Variants in MLIP observed in about 807,000 individuals in gnomAD.
MLIP encodes the protein muscular LMNA-interacting protein.
A neutral mutation model predicts 84.8 loss-of-function variants in MLIP; 79 were observed. The observed-to-expected ratio is 0.93, with a 90% CI of 0.78 to 1.12. The LOEUF (loss-of-function observed/expected upper bound fraction) is 1.12. MLIP is among the 50% of genes most tolerant of loss of function. The pLI is 0.00. For missense variants in MLIP, 1,257 were observed against 1,160.6 expected (o/e 1.08, Z -1.21); for synonymous variants, 504 against 463.0 (o/e 1.09, Z -1.14).
chr6:54,074,919 C>T (rs1460296975), intron 1 of MLIP, among the ~76,000 whole-genome samples: 1 of 152,036 alleles, frequency 6.6e-6, no homozygotes, highest in African/African-American at 2.4e-5. Flanking sequence ...CTAACTTCTT[C>T]ATTTGCAAAA....
chr6:54,048,734 G>C (rs932931654), intron 1 of MLIP, among the ~76,000 whole-genome samples: 7 of 152,170 alleles, frequency 4.6e-5, no homozygotes, highest in Admixed American at 2.0e-4. Flanking sequence ...ACATTATTAT[G>C]TTTGAAGTAT....
Position 54,202,207 on chromosome 6 carries a change from G to A in MLIP, c.2692G>A (p.Asp898Asn), listed in dbSNP as rs749432970. The change falls in exon 11 of 14, where the codon GAT becomes AAT. Residue 898 changes from aspartate to asparagine, a missense_variant. By Grantham distance (23) the Asp-to-Asn change is conservative. Coordinates refer to ENST00000502396, the MANE Select transcript of MLIP (RefSeq NM_001281747.2). ...CAACCCTTTCAGTAAATACTTGGAAGATAACAGCGACCTCTTTTCTGAACA... is the reference window on the plus strand; with the variant it reads ...CAACCCTTTCAGTAAATACTTGGAAAATAACAGCGACCTCTTTTCTGAACA... ...EPNPFSKYLE[D>N]NSDLFSEQDV... is the part of the protein sequence containing the mutation. 1 of 1,577,820 alleles carries A rather than the reference G, an allele frequency of 6.3e-7. No homozygotes were observed. The highest frequency in any genetic ancestry group is 1.2e-5 in the South Asian group (1 of 83,608).
chr6:54,169,893 A>C (rs1440678612), intron 9 of MLIP, among the ~76,000 whole-genome samples: 1 of 151,766 alleles, frequency 6.6e-6, no homozygotes, highest in Non-Finnish European at 1.5e-5. Flanking sequence ...TTATGCTTAT[A>C]GAATAGTCAA....
At chr6:54,123,882 T>C (rs551927908) in intron 2 of MLIP, among the ~76,000 whole-genome samples, 2 of 152,226 alleles carry the variant, frequency 1.3e-5, no homozygotes, top group Non-Finnish European at 2.9e-5. Context: ...GACTGAGAAT[T>C]ACAAATCCAA....
rs553111649 is a variant in MLIP at position 54,028,557 on chromosome 6, G to C, written c.63+9466G>C. Among the ~76,000 whole-genome samples, 3 of 152,292 alleles carry C rather than the reference G, an allele frequency of 2.0e-5. No individual in the cohort carries two copies. In the South Asian group the frequency reaches 6.2e-4, roughly 32 times the overall value. Reference sequence around the variant, plus strand: ...CTTAGAATGTGAAGGAAATATATGGGAAATAAAACCTTTTTTCATCCCTAT... The same window carrying C: ...CTTAGAATGTGAAGGAAATATATGGCAAATAAAACCTTTTTTCATCCCTAT... On this transcript the variant is annotated intron_variant, in intron 1 of 12. Coordinates refer to the MLIP transcript ENST00000274897.
chr6:54,060,881 G>A (rs1490974804), intron 1 of MLIP, among the ~76,000 whole-genome samples: 9 of 151,902 alleles, frequency 5.9e-5, no homozygotes, highest in Non-Finnish European at 1.5e-5. Context: ...TCAATGCACA[G>A]CCCCCAACAA....
intron 1 of MLIP, among the ~76,000 whole-genome samples, chr6:54,106,158 G>C (rs887752592): frequency 7.2e-5 from 11 of 152,270 alleles, no homozygotes; most frequent in African/African-American, 2.4e-4. Flanking sequence ...TCAAAGCCTA[G>C]CTGACCTCAT....
In MLIP at chr6:54,161,217, T is replaced by C. The variant is rs867982600; in HGVS notation, c.2499+418T>C. ...CACTTAAAAATAGAGAAGTAAAAAATGAAGTAGACTAAAGTAAAATTAGTA... is the reference window on the plus strand; with the variant it reads ...CACTTAAAAATAGAGAAGTAAAAAACGAAGTAGACTAAAGTAAAATTAGTA... On this transcript the variant is annotated intron_variant, in intron 8 of 13. Transcript: ENST00000502396. Among the ~76,000 whole-genome samples, 51 of 152,032 alleles carry C rather than the reference T, an allele frequency of 3.4e-4. 1 individual carries two copies. The highest frequency in any genetic ancestry group is 1.1e-3 in the African/African-American group (46 of 41,536).
At chr6:54,257,230 C>G (rs1266902454) in intron 12 of MLIP, 78 bp from the exon 13 acceptor site, 1 of 971,090 alleles carries the variant, frequency 1.0e-6, no homozygotes, top group African/African-American at 1.6e-5. Flanking sequence ...CATTGTCAAT[C>G]TGTTTAAATG....
At chr6:54,177,488 A>G (rs1388618113) in intron 9 of MLIP, among the ~76,000 whole-genome samples, 3 of 152,222 alleles carry the variant, frequency 2.0e-5, no homozygotes, top group African/African-American at 7.2e-5. Context: ...CAAAACCGCA[A>G]TGAGATACCA....
intron 1 of MLIP, among the ~76,000 whole-genome samples, chr6:54,023,145 C>A (rs1009901927): frequency 6.8e-5 from 10 of 147,152 alleles, no homozygotes; most frequent in Non-Finnish European, 1.0e-4. Flanking sequence ...CCAGCCTGGG[C>A]GACAGAGCGA....
intron 1 of MLIP, among the ~76,000 whole-genome samples, chr6:54,037,530 T>C (rs1764513810): frequency 6.6e-6 from 1 of 151,968 alleles, no homozygotes; most frequent in African/African-American, 2.4e-5. Context: ...GCTTAATAGA[T>C]GTCTCCAAAC....
At chr6:54,098,219 G>A (rs1158824746) in intron 1 of MLIP, among the ~76,000 whole-genome samples, 2 of 147,226 alleles carry the variant, frequency 1.4e-5, no homozygotes, top group South Asian at 4.3e-4. Context: ...GAAGTGGCAC[G>A]ATCATAGCTC....
intron 1 of MLIP, among the ~76,000 whole-genome samples, chr6:54,035,282 G>T (rs1764363589): frequency 6.6e-6 from 1 of 152,076 alleles, no homozygotes; most frequent in Admixed American, 6.6e-5. Context: ...AGTCCAAGTT[G>T]TGAGGATCCA....
At chr6:54,250,447 A>G (rs1235562439) in intron 12 of MLIP, among the ~76,000 whole-genome samples, 1 of 152,202 alleles carries the variant, frequency 6.6e-6, no homozygotes. Context: ...TAGCAAAGAC[A>G]TGGAATTAAC....
Position 54,185,697 on chromosome 6 carries a change from G to A in MLIP, c.2545-4173G>A, listed in dbSNP as rs191419997. ...TTTAGCCTTTTTTTTCAGTTATGAT[G>A]CATTTAATTCAGCATATTTCACAGA... On this transcript the variant is annotated intron_variant, in intron 9 of 13. Coordinates refer to ENST00000502396, the MANE Select transcript of MLIP (RefSeq NM_001281747.2). Among the ~76,000 whole-genome samples the A allele has an allele frequency of 1.4e-3, 213 of 151,718 alleles. 2 individuals carry two copies. The highest frequency in any genetic ancestry group is 2.6e-3 in the Non-Finnish European group (176 of 67,932).
At position 54,251,441 on chromosome 6, in the gene MLIP, C is replaced by CAGATATATATATAT. The variant is rs756859263; in HGVS notation, c.2923-5866_2923-5865insGATATATATATATA. ...TATCTCCAAAGTGAATGAAACAAGC[C>CAGATATATATATAT]ATATATATATATATATATATATATA... is the stretch of plus-strand genomic sequence containing the variant. On this transcript the variant is annotated intron_variant, in intron 12 of 13. Transcript: ENST00000502396. Among the ~76,000 whole-genome samples the CAGATATATATATAT allele has an allele frequency of 5.2e-4, 46 of 88,936 alleles. 1 individual carries two copies. The highest frequency in any genetic ancestry group is 3.1e-3 in the African/African-American group (44 of 14,174). 58.3% of individuals were successfully genotyped at this position (88,936 alleles called of 152,430 possible). A position where few individuals can be genotyped will look rare whatever the true frequency, so the allele number is the denominator to read the frequency against.
intron 4 of MLIP, among the ~76,000 whole-genome samples, chr6:54,140,460 A>G (rs1772195367): frequency 6.6e-6 from 1 of 152,204 alleles, no homozygotes. Flanking sequence ...AGTAAATTTG[A>G]TGAACAGGAA....
At chr6:54,223,036 A>G (rs1334931218) in intron 11 of MLIP, among the ~76,000 whole-genome samples, 3 of 151,998 alleles carry the variant, frequency 2.0e-5, no homozygotes, top group African/African-American at 7.2e-5. Flanking sequence ...TTTGAAAAAT[A>G]TCTGTTCAGG....
Sources: allele counts gnomAD v4.1 joint callset (sites outside exome capture counted in the v4.1 genomes callset), GRCh38; gene constraint gnomAD v4.1.1; transcripts MANE v1.5; gene names NCBI Gene and HGNC (gene_info 2026-07-23, HGNC 2026-07-21).